LMNTD1: variants seen among roughly 807,000 people sequenced by gnomAD.
LMNTD1 encodes the protein lamin tail domain-containing protein 1.
Under a neutral mutation model 50.9 loss-of-function variants are expected in LMNTD1, and 35 were observed. The observed-to-expected ratio is 0.69, with a 90% CI of 0.53 to 0.91. The LOEUF is 0.91. Ranked by LOEUF, LMNTD1 falls within the 40% of genes least tolerant of loss-of-function variation. The probability of loss-of-function intolerance (pLI) is 0.00; values close to 1 mark genes in which losing one functional copy is unlikely to be tolerated. For synonymous variants in LMNTD1, 153 were observed against 161.9 expected (o/e 0.94, Z 0.42); for missense variants, 470 against 475.5 (o/e 0.99, Z 0.11).
chr12:25,580,130 C>T (rs1352796945), intron 1 of LMNTD1, among the ~76,000 whole-genome samples: 3 of 152,140 alleles, frequency 2.0e-5, no homozygotes, highest in African/African-American at 7.2e-5. Flanking sequence ...TAGTTGTGTC[C>T]TCTGCCTAGA....
intron 1 of LMNTD1, among the ~76,000 whole-genome samples, chr12:25,634,958 A>C (rs1946796949): frequency 6.6e-6 from 1 of 152,178 alleles, no homozygotes; most frequent in African/African-American, 2.4e-5. Context: ...AAAATTCAGC[A>C]GGCTGGGCGC....
chr12:25,500,378 C>T (rs1591831425), intron 9 of LMNTD1, among the ~76,000 whole-genome samples: 1 of 152,086 alleles, frequency 6.6e-6, no homozygotes, highest in Non-Finnish European at 1.5e-5. Flanking sequence ...AGGAACACTC[C>T]TTGGAGGGCT....
chr12:25,511,743 G>A (rs905787022), intron 8 of LMNTD1, among the ~76,000 whole-genome samples: 1 of 152,020 alleles, frequency 6.6e-6, no homozygotes, highest in Non-Finnish European at 1.5e-5. Flanking sequence ...CTAACATGGT[G>A]GTGTACAAAT....
intron 1 of LMNTD1, among the ~76,000 whole-genome samples, chr12:25,608,034 T>C (rs1174846373): frequency 6.6e-6 from 1 of 152,200 alleles, no homozygotes; most frequent in Non-Finnish European, 1.5e-5. Context: ...TGGGTGCATA[T>C]ATATTTAGGA....
At chr12:25,606,113 T>C (rs1183268) in intron 1 of LMNTD1, among the ~76,000 whole-genome samples, 49,730 of 151,898 alleles carry the variant, frequency 0.33, 9,360 homozygotes, top group East Asian at 0.86. Flanking sequence ...TGGGAGTTCA[T>C]TCATGATTTG....
At chr12:25,597,937 A>G (rs1045678945) in intron 1 of LMNTD1, among the ~76,000 whole-genome samples, 2 of 152,106 alleles carry the variant, frequency 1.3e-5, no homozygotes, top group African/African-American at 4.8e-5. Flanking sequence ...TTGTTGTGGG[A>G]GGAGCTCAGT....
chr12:25,600,655 C>A (rs889289398), intron 1 of LMNTD1, among the ~76,000 whole-genome samples: 1 of 152,004 alleles, frequency 6.6e-6, no homozygotes, highest in Non-Finnish European at 1.5e-5. Flanking sequence ...ATAGACATTT[C>A]TCAAAAGAAG....
At chr12:25,567,240 C>T (rs1944591175) in intron 1 of LMNTD1, among the ~76,000 whole-genome samples, 1 of 152,194 alleles carries the variant, frequency 6.6e-6, no homozygotes, top group Admixed American at 6.5e-5. Context: ...AGAAAGACAA[C>T]TTAGACATCT....
chr12:25,570,624 G>C (rs905872436), intron 1 of LMNTD1, among the ~76,000 whole-genome samples: 4 of 152,134 alleles, frequency 2.6e-5, no homozygotes, highest in African/African-American at 9.7e-5. Context: ...GTGCCAAGTA[G>C]AGCCAGAGAG....
At position 25,553,278 on chromosome 12, in the gene LMNTD1, G is replaced by A. The variant is rs889857835; in HGVS notation, c.-240C>T. On this transcript the variant is annotated 5_prime_UTR_variant, in exon 1 of 10. Coordinates refer to ENST00000458174, the MANE Select transcript of LMNTD1 (RefSeq NM_001145728.2). ...AGTAACTTGGCAAAGAGACCTTTATGACTACAGTTGTTGCTTCTGGCCAAC... is the reference window on the plus strand; with the variant it reads ...AGTAACTTGGCAAAGAGACCTTTATAACTACAGTTGTTGCTTCTGGCCAAC... The A allele has an allele frequency of 3.5e-6, 5 of 1,437,916 alleles. No individual in the cohort carries two copies. Among genetic ancestry groups the A allele is most frequent in the Non-Finnish European group, 4.5e-6 (5 of 1,099,392 alleles). The allele number at this position is 1,437,916 out of a possible 1,614,324, so 89.1% of individuals were successfully genotyped here.
chr12:25,629,567 C>G (rs1946668404), intron 1 of LMNTD1, among the ~76,000 whole-genome samples: 1 of 152,144 alleles, frequency 6.6e-6, no homozygotes, highest in African/African-American at 2.4e-5. Context: ...AGTTCCAAAT[C>G]AATAATGCAG....
At chr12:25,590,830 G>A (rs1414583602) in intron 1 of LMNTD1, among the ~76,000 whole-genome samples, 4 of 152,148 alleles carry the variant, frequency 2.6e-5, no homozygotes, top group African/African-American at 4.8e-5. Context: ...GGACGAGAAG[G>A]GAATCTGCTG....
chr12:25,573,703 GATAAA>G (rs1369794233), intron 1 of LMNTD1, among the ~76,000 whole-genome samples: 2 of 152,148 alleles, frequency 1.3e-5, no homozygotes, highest in Non-Finnish European at 2.9e-5. Flanking sequence ...TAATGGGGAG[GATAAA>G]ACTGACTTCT....
chr12:25,561,222 T>C lies in LMNTD1; in HGVS notation c.59-14668A>G, dbSNP rs575425221. Among the ~76,000 whole-genome samples, 9 of 152,336 alleles carry C rather than the reference T, an allele frequency of 5.9e-5. No homozygotes were observed. The South Asian group carries it at 1.7e-3, about 28-fold the overall frequency. On this transcript the variant is annotated intron_variant, in intron 1 of 7. Transcript: ENST00000445693. Reference sequence around the variant, plus strand: ...TTTGCTCTTGCTTCTCTAGTTCTTTTAATTGTGATGTTAGGGTGTCAATTT... The same window carrying C: ...TTTGCTCTTGCTTCTCTAGTTCTTTCAATTGTGATGTTAGGGTGTCAATTT...
upstream of LMNTD1, among the ~76,000 whole-genome samples, chr12:25,555,968 T>TG (rs1491014486): frequency 3.5e-5 from 1 of 28,896 alleles, no homozygotes; most frequent in East Asian, 1.5e-3. Context: ...CAATAATCTT[T>TG]TTTTTTTTTT....
chr12:25,631,684 C>T (rs1946722643), intron 1 of LMNTD1, among the ~76,000 whole-genome samples: 1 of 152,178 alleles, frequency 6.6e-6, no homozygotes, highest in Non-Finnish European at 1.5e-5. Flanking sequence ...CTGACAGAGC[C>T]TACCCAAATG....
At chr12:25,511,517 C>T (rs1940295229) in intron 8 of LMNTD1, among the ~76,000 whole-genome samples, 1 of 152,140 alleles carries the variant, frequency 6.6e-6, no homozygotes, top group Non-Finnish European at 1.5e-5. Flanking sequence ...TAATTAGCCT[C>T]ATAAATCAGA....
intron 7 of LMNTD1, 52 bp downstream of exon 7, chr12:25,519,806 T>A: frequency 8.6e-7 from 1 of 1,168,424 alleles, no homozygotes; most frequent in Non-Finnish European, 1.3e-6. Flanking sequence ...ACATGCTTAG[T>A]TACTAATTGT....
At chr12:25,600,670 A>G (rs1428691843) in intron 1 of LMNTD1, among the ~76,000 whole-genome samples, 3 of 152,096 alleles carry the variant, frequency 2.0e-5, no homozygotes, top group African/African-American at 7.2e-5. Flanking sequence ...AAGAAGACAT[A>G]CAAATGGCAA....
Sources: allele counts gnomAD v4.1 joint callset (sites outside exome capture counted in the v4.1 genomes callset), GRCh38; gene constraint gnomAD v4.1.1; transcripts MANE v1.5; gene names NCBI Gene and HGNC (gene_info 2026-07-23, HGNC 2026-07-21).